Variants in ZP2 observed in about 807,000 individuals in gnomAD.
The protein encoded by ZP2 is zona pellucida sperm-binding protein 2.
ZP2 carries 51 observed loss-of-function variants against 84.0 expected under a neutral mutation model. The observed-to-expected ratio is 0.61, with a 90% CI of 0.49 to 0.77. The LOEUF is 0.77. ZP2 is among the 30% of genes least tolerant of loss of function. The probability of loss-of-function intolerance (pLI) is 0.00; values close to 1 mark genes in which losing one functional copy is unlikely to be tolerated. For missense variants in ZP2, 909 were observed against 911.9 expected (o/e 1.00, Z 0.04); for synonymous variants, 375 against 330.9 (o/e 1.13, Z -1.45).
chr16:21,207,126 G>A (rs1382771051), intron 4 of ZP2, 136 bp from the exon 5 acceptor site: 29 of 992,040 alleles, frequency 2.9e-5, no homozygotes, highest in East Asian at 1.0e-4. Flanking sequence ...CCTCATTCCC[G>A]TACCAGGAGA....
At chr16:21,209,174 C>T (rs1362794534) in intron 4 of ZP2, among the ~76,000 whole-genome samples, 1 of 152,096 alleles carries the variant, frequency 6.6e-6, no homozygotes. Context: ...ACAGATTCCC[C>T]CCACCCTCCT....
At chr16:21,204,727 T>C (rs999025263) in intron 7 of ZP2, among the ~76,000 whole-genome samples, 2 of 152,352 alleles carry the variant, frequency 1.3e-5, no homozygotes, top group Admixed American at 6.5e-5. Flanking sequence ...GTGTTCTTAC[T>C]GGGAGATAGG....
intron 4 of ZP2, among the ~76,000 whole-genome samples, chr16:21,208,049 C>T (rs1403489973): frequency 1.3e-5 from 2 of 152,076 alleles, no homozygotes; most frequent in East Asian, 1.9e-4. Flanking sequence ...GTGAAATCCC[C>T]ATTTTGACAA....
chr16:21,209,580 C>T (rs769094080), intron 4 of ZP2, 51 bp downstream of exon 4: 1 of 1,563,876 alleles, frequency 6.4e-7, no homozygotes, highest in South Asian at 1.1e-5. Context: ...CTGCCAGTAA[C>T]TCTTAGGTTA....
At chr16:21,205,629 C>G in intron 6 of ZP2, 45 bp from the exon 7 acceptor site, 1 of 1,612,806 alleles carries the variant, frequency 6.2e-7, no homozygotes, top group African/African-American at 1.3e-5. Context: ...CTCCCTTAAC[C>G]AAGTCTCTGG....
chr16:21,198,563 C>T (rs1417928085), intron 17 of ZP2, among the ~76,000 whole-genome samples: 2 of 152,140 alleles, frequency 1.3e-5, no homozygotes, highest in Non-Finnish European at 1.5e-5. Flanking sequence ...AGTTCTAGAT[C>T]AGTAGGTAGA....
intron 7 of ZP2, 92 bp downstream of exon 7, chr16:21,205,328 T>G: frequency 6.8e-7 from 1 of 1,468,564 alleles, no homozygotes; most frequent in Non-Finnish European, 9.3e-7. Context: ...GGTTGTATTA[T>G]AAATTAATGT....
rs576630648 is a variant in ZP2, at chr16:21,204,085, A to G, written c.917T>C (p.Leu306Pro). 6.2e-7 allele frequency: 1 copy of G among 1,614,132 alleles called. No homozygotes were observed. Among genetic ancestry groups the G allele is most frequent in the Admixed American group, 1.7e-5 (1 of 60,010 alleles). ...CAATTTCATGCCATTTGTTGCTTCT[A>G]GATCAATTCCATTGTCATGCAGCTG... ...VSQLHDNGID[L>P]EATNGMKLHF... The change falls in exon 9 of 19, where the codon CTA (leucine) becomes CCA (proline). Residue 306 changes from leucine (L) to proline (P), a missense_variant. By Grantham distance (98) the Leu-to-Pro change is moderately conservative (BLOSUM62 -3). Coordinates refer to ENST00000574091, the MANE Select transcript of ZP2 (RefSeq NM_001376232.1).
Position 21,203,145 on chromosome 16 carries a change from CAG to C in ZP2, c.1077_1078del (p.Cys360Ter), listed in dbSNP as rs1157931204. On this transcript the variant is annotated frameshift_variant, in exon 10 of 19. Coordinates refer to ENST00000574091, the MANE Select transcript of ZP2 (RefSeq NM_001376232.1). LOFTEE classifies it high-confidence loss of function. ...TTTACCTATAGAAACGGGTGACTCACAGAGACACTCAGGATAGATCACCATGG... is the reference window on the plus strand; with the variant it reads ...TTTACCTATAGAAACGGGTGACTCACAGACACTCAGGATAGATCACCATGG... 1.2e-6 allele frequency: 2 copies of C among 1,613,706 alleles called. No homozygotes were observed. The highest frequency in any genetic ancestry group is 1.7e-6 in the Non-Finnish European group (2 of 1,179,822).
At chr16:21,206,366 G>A (rs114943760) in intron 5 of ZP2, among the ~76,000 whole-genome samples, 1 of 152,166 alleles carries the variant, frequency 6.6e-6, no homozygotes, top group Admixed American at 6.5e-5. Context: ...TAAAAGCCAT[G>A]CAGTTCTATC....
intron 7 of ZP2, 121 bp downstream of exon 7, chr16:21,205,299 C>T (rs1335506950): frequency 2.5e-6 from 3 of 1,221,458 alleles, no homozygotes; most frequent in African/African-American, 3.0e-5. Context: ...GTGTTTGGCA[C>T]TTAATAGGCA....
chr16:21,197,939 A>G (rs2093207239), intron 17 of ZP2, 90 bp from the exon 18 acceptor site: 1 of 1,262,786 alleles, frequency 7.9e-7, no homozygotes, highest in Admixed American at 1.7e-5. Context: ...CAGGTTGTTC[A>G]TTAAGGCTAT....
chr16:21,210,198 G>A lies in ZP2; in HGVS notation c.152-6C>T, dbSNP rs764861147. 13 of 1,613,514 alleles carry A rather than the reference G, an allele frequency of 8.1e-6. No homozygotes were observed. Among genetic ancestry groups the A allele is most frequent in the Admixed American group, 3.3e-5 (2 of 59,966 alleles). ...TTCATCGCAAGTGACAGTGCCTAAG[G>A]AGCAAAGGAAGCATTTGGGGGCTTT... On this transcript the variant is annotated splice_polypyrimidine_tract_variant and splice_region_variant and intron_variant, in intron 2 of 18. Coordinates refer to ENST00000574091, the MANE Select transcript of ZP2 (RefSeq NM_001376232.1).
Position 21,199,813 on chromosome 16 carries a change from G to A in ZP2, c.1760C>T (p.Pro587Leu). The A allele has an allele frequency of 6.2e-7, 1 of 1,613,920 alleles. No homozygotes were observed. Among genetic ancestry groups the A allele is most frequent in the Non-Finnish European group, 8.5e-7 (1 of 1,180,030 alleles). ...FHPVGSSVTH[P>L]DHYQRFDMKA... is the part of the protein sequence containing the mutation. ...CATGTCAAACCTCTGATAGTGATCA[G>A]GATGGGTCACAGAGGAGCCGACTGG... The change falls in exon 15 of 19, where the codon CCT becomes CTT. Residue 587 changes from proline to leucine, a missense_variant. Physicochemically the swap from Pro to Leu is moderately conservative, Grantham distance 98. Coordinates refer to ENST00000574091, the MANE Select transcript of ZP2 (RefSeq NM_001376232.1).
intron 3 of ZP2, 165 bp downstream of exon 3, chr16:21,209,944 C>A: frequency 1.4e-6 from 1 of 712,776 alleles, no homozygotes; most frequent in Non-Finnish European, 2.4e-6. Flanking sequence ...ACAGACAGGT[C>A]TTCCATGCTG....
At chr16:21,201,276 G>T in intron 14 of ZP2, 93 bp downstream of exon 14, 1 of 1,139,762 alleles carries the variant, frequency 8.8e-7, no homozygotes, top group Non-Finnish European at 1.2e-6. Flanking sequence ...TCACATGACT[G>T]AATGCTGCTC....
chr16:21,204,565 A>T (rs559619203), intron 7 of ZP2, among the ~76,000 whole-genome samples, 161 bp from the exon 8 acceptor site: 1 of 152,336 alleles, frequency 6.6e-6, no homozygotes, highest in Non-Finnish European at 1.5e-5. Context: ...ATCTGGAGGT[A>T]TATTAGTTTT....
intron 13 of ZP2, 46 bp downstream of exon 13, chr16:21,201,660 G>C (rs750532084): frequency 3.1e-6 from 5 of 1,613,412 alleles, no homozygotes; most frequent in Middle Eastern, 1.7e-4. Flanking sequence ...ATTTTAGGGA[G>C]AAGTTTGAGA....
In ZP2 at chr16:21,206,946, A is replaced by AT; in HGVS notation, c.374_375insA (p.Ala126CysfsTer48). The AT allele has an allele frequency of 6.2e-7, 1 of 1,614,176 alleles. No homozygotes were observed. The highest frequency in any genetic ancestry group is 8.5e-7 in the Non-Finnish European group (1 of 1,180,026). Reference sequence around the variant, plus strand: ...ACATGACAGCTCCGTGTCTTAAGGCAGCACTGTTGTTCATGACTCTGATGG... The same window carrying AT: ...ACATGACAGCTCCGTGTCTTAAGGCATGCACTGTTGTTCATGACTCTGATGG... On this transcript the variant is annotated frameshift_variant, in exon 5 of 19. Coordinates refer to ENST00000574091, the MANE Select transcript of ZP2 (RefSeq NM_001376232.1). LOFTEE classifies it high-confidence loss of function.
Sources: gnomAD v4.1 joint callset for allele counts (sites outside exome capture counted in the v4.1 genomes callset) on GRCh38, gnomAD v4.1.1 for gene constraint, MANE v1.5 for transcripts, NCBI Gene and HGNC (gene_info 2026-07-23, HGNC 2026-07-21) for gene names.